The following AGBL2 variants were observed in gnomAD, a reference collection of about 807,000 sequenced individuals.
AGBL2 encodes the protein AGBL carboxypeptidase 2.
A neutral mutation model predicts 103.0 loss-of-function variants in AGBL2; 87 were observed. The observed-to-expected ratio is 0.84, with a 90% CI of 0.71 to 1.01. The LOEUF is 1.01. AGBL2 is among the 50% of genes least tolerant of loss of function. AGBL2 has a pLI of 0.00. For synonymous variants in AGBL2, 335 were observed against 356.7 expected, an observed-to-expected ratio of 0.94 and a Z score of 0.69; for missense variants, 904 against 1,023.5, an observed-to-expected ratio of 0.88 and a Z score of 1.59.
At chr11:47,694,113 G>A (rs897474570) in intron 8 of AGBL2, among the ~76,000 whole-genome samples, 3 of 151,990 alleles carry the variant, frequency 2.0e-5, no homozygotes, top group African/African-American at 4.8e-5. Context: ...CGGCAGGATT[G>A]CTTCAGCTGA....
intron 18 of AGBL2, among the ~76,000 whole-genome samples, chr11:47,661,538 G>A (rs2097327969): frequency 6.6e-6 from 1 of 152,144 alleles, no homozygotes; most frequent in Admixed American, 6.6e-5. Flanking sequence ...AGAAGACACT[G>A]ATAGGTAAAT....
chr11:47,705,799 C>A, intron 5 of AGBL2, 65 bp downstream of exon 5: 1 of 1,380,832 alleles, frequency 7.2e-7, no homozygotes, highest in Non-Finnish European at 1.0e-6. Flanking sequence ...GTGGGAACAG[C>A]AGGTGATGAA....
Position 47,704,573 on chromosome 11 carries a change from C to G in AGBL2, c.556G>C (p.Glu186Gln), listed in dbSNP as rs760129078. The change falls in exon 7 of 19, where the codon GAG (glutamate) becomes CAG (glutamine). Residue 186 changes from glutamate to glutamine, a missense_variant. By Grantham distance (29) the Glu-to-Gln change is conservative. Coordinates refer to ENST00000525123, the MANE Select transcript of AGBL2 (RefSeq NM_024783.4). ...LQAPRWPIEC[E>Q]VIKENIHHIE... Reference sequence around the variant, plus strand: ...TGATGGATGTTTTCCTTGATGACCTCACATTCAATTGGCCATCTTGGAGCC... The same window carrying G: ...TGATGGATGTTTTCCTTGATGACCTGACATTCAATTGGCCATCTTGGAGCC... 5 of 1,613,666 alleles carry G rather than the reference C, an allele frequency of 3.1e-6. No individual in the cohort carries two copies. The highest frequency in any genetic ancestry group is 4.2e-6 in the Non-Finnish European group (5 of 1,179,916).
chr11:47,692,465 G>A (rs574502294), intron 8 of AGBL2, among the ~76,000 whole-genome samples: 5 of 130,046 alleles, frequency 3.8e-5, no homozygotes, highest in Admixed American at 2.7e-4. Context: ...AGGCTGGAGT[G>A]CAGTGACACG....
At chr11:47,674,973 A>T (rs932697501) in intron 14 of AGBL2, among the ~76,000 whole-genome samples, 1 of 152,032 alleles carries the variant, frequency 6.6e-6, no homozygotes, top group Non-Finnish European at 1.5e-5. Flanking sequence ...ACATCAGGTG[A>T]TCTGCCAGCC....
At chr11:47,670,823 G>T (rs1195362658) in intron 14 of AGBL2, among the ~76,000 whole-genome samples, 1 of 151,714 alleles carries the variant, frequency 6.6e-6, no homozygotes, top group Non-Finnish European at 1.5e-5. Context: ...GCAAAACCCT[G>T]TCTCTACAAA....
At chr11:47,686,979 A>AAAG (rs2097426239) in intron 10 of AGBL2, among the ~76,000 whole-genome samples, 3 of 80,720 alleles carry the variant, frequency 3.7e-5, no homozygotes, top group Non-Finnish European at 6.9e-5. Flanking sequence ...AAAAAAAAAA[A>AAAG]TGGTGGGGGG....
intron 12 of AGBL2, among the ~76,000 whole-genome samples, chr11:47,680,786 G>GAAACA (rs56208874): frequency 0.2 from 29,329 of 147,428 alleles, 4,295 homozygotes; most frequent in African/African-American, 0.41. Flanking sequence ...GGGAGACCCT[G>GAAACA]AAACAAAACA....
intron 10 of AGBL2, among the ~76,000 whole-genome samples, chr11:47,687,342 A>C (rs1312259059): frequency 6.6e-6 from 1 of 151,884 alleles, no homozygotes; most frequent in Admixed American, 6.6e-5. Flanking sequence ...CAGAGGGGAC[A>C]GTATTATATG....
rs529675295 is a variant in AGBL2, at chr11:47,690,941, T to C, written c.849-83A>G. On this transcript the variant is annotated intron_variant, in intron 9 of 18. Coordinates refer to ENST00000525123, the MANE Select transcript of AGBL2 (RefSeq NM_024783.4). ...TTGGGAAAATGTTGTTTTCTCCTGG[T>C]AAAAACAGGTCTTATTACAACAGAA... 13 of 1,092,218 alleles carry C rather than the reference T, an allele frequency of 1.2e-5. No homozygotes were observed. The African/African-American group carries it at 1.7e-4, about 15-fold the overall frequency. The allele number at this position is 1,092,218 out of a possible 1,614,324, so 67.7% of individuals were successfully genotyped here.
intron 13 of AGBL2, among the ~76,000 whole-genome samples, chr11:47,679,158 T>C (rs2097391366): frequency 6.7e-6 from 1 of 148,352 alleles, no homozygotes; most frequent in Non-Finnish European, 1.5e-5. Flanking sequence ...CAGTGGCTCA[T>C]GCTTGTAATC....
At chr11:47,678,343 A>ATTTTATTATTTTTTTTTTTTT (rs2097385823) in intron 13 of AGBL2, among the ~76,000 whole-genome samples, 1 of 116,864 alleles carries the variant, frequency 8.6e-6, no homozygotes, top group Non-Finnish European at 1.9e-5. Flanking sequence ...TTATTATTTT[A>ATTTTATTATTTTTTTTTTTTT]TTTTTTTTGA....
At chr11:47,695,958 A>C (rs997253051) in intron 8 of AGBL2, among the ~76,000 whole-genome samples, 2 of 139,474 alleles carry the variant, frequency 1.4e-5, no homozygotes, top group African/African-American at 5.3e-5. Flanking sequence ...TGAGGCCAGA[A>C]GTTTGAGACC....
At chr11:47,714,501 C>T in intron 2 of AGBL2, 117 bp downstream of exon 2, 1 of 1,369,522 alleles carries the variant, frequency 7.3e-7, no homozygotes, top group Non-Finnish European at 1.0e-6. Context: ...AGATCTCCAG[C>T]TGAGAAAAGA....
At chr11:47,696,926 TTTTA>T (rs1434169417) in intron 8 of AGBL2, among the ~76,000 whole-genome samples, 1 of 152,140 alleles carries the variant, frequency 6.6e-6, no homozygotes, top group Non-Finnish European at 1.5e-5. Flanking sequence ...CTTTTTTATT[TTTTA>T]TTTATTTATT....
chr11:47,704,861 T>TGGGGACGCAGCCAAACAATA, intron 6 of AGBL2, 133 bp from the exon 7 acceptor site: 1 of 685,230 alleles, frequency 1.5e-6, no homozygotes, highest in East Asian at 2.8e-5. Flanking sequence ...CTCTGACATG[T>TGGGGACGCAGCCAAACAATA]TTCTCCTTCA....
chr11:47,688,018 G>A (rs1017443473), intron 10 of AGBL2, among the ~76,000 whole-genome samples: 2 of 151,878 alleles, frequency 1.3e-5, no homozygotes, highest in African/African-American at 4.8e-5. Context: ...ATGTTGGCTA[G>A]GCAGGTCTCA....
chr11:47,686,730 G>C (rs1598987386), intron 10 of AGBL2, among the ~76,000 whole-genome samples: 1 of 151,776 alleles, frequency 6.6e-6, no homozygotes, highest in East Asian at 1.9e-4. Context: ...GTAGGCTGAG[G>C]TGGGTGGATC....
At chr11:47,714,154 TAGAGGAA>T in intron 3 of AGBL2, 123 bp downstream of exon 3, 1 of 684,484 alleles carries the variant, frequency 1.5e-6, no homozygotes, top group Non-Finnish European at 2.6e-6. Context: ...TCACTAATGG[TAGAGGAA>T]AAAGTATTTA....
Sources: gnomAD v4.1 joint callset for allele counts (sites outside exome capture counted in the v4.1 genomes callset) on GRCh38, gnomAD v4.1.1 for gene constraint, MANE v1.5 for transcripts, NCBI Gene and HGNC (gene_info 2026-07-23, HGNC 2026-07-21) for gene names.